ZNF18: variants seen among roughly 807,000 people sequenced by gnomAD.
ZNF18 encodes heart development-specific gene 1 protein.
A neutral mutation model predicts 58.1 loss-of-function variants in ZNF18; 42 were observed. That is an observed-to-expected ratio of 0.72 (90% CI 0.56 to 0.93). The LOEUF is 0.93. Ranked by LOEUF, ZNF18 falls within the 40% of genes least tolerant of loss-of-function variation. ZNF18 has a pLI of 0.00. For synonymous variants in ZNF18, 231 were observed against 239.8 expected (o/e 0.96, Z 0.34); for missense variants, 540 against 644.2 (o/e 0.84, Z 1.75).
upstream of ZNF18, among the ~76,000 whole-genome samples, chr17:12,000,292 G>A (rs547216494): frequency 2.0e-5 from 3 of 152,236 alleles, no homozygotes; most frequent in South Asian, 2.1e-4. Flanking sequence ...CCTGGACCAC[G>A]CCAACATATA....
chr17:12,007,818 C>G, the ZNF18 span, among the ~76,000 whole-genome samples: 1 of 152,110 alleles, frequency 6.6e-6, no homozygotes, highest in Admixed American at 6.5e-5. Context: ...TTTTAAAAAG[C>G]AAGCTTTTTC....
the ZNF18 span, among the ~76,000 whole-genome samples, chr17:12,013,867 G>A: frequency 2.6e-5 from 4 of 152,190 alleles, no homozygotes; most frequent in African/African-American, 4.8e-5. Context: ...GTTAGAGTAA[G>A]ACAACAAACC....
chr17:11,990,825 C>T (rs959590781), intron 3 of ZNF18, 149 bp downstream of exon 3: 1 of 936,786 alleles, frequency 1.1e-6, no homozygotes, highest in Non-Finnish European at 1.6e-6. Context: ...TTTGACTCTC[C>T]AAACAAGAGC....
At chr17:12,004,999 A>T in the ZNF18 span, among the ~76,000 whole-genome samples, 1 of 151,408 alleles carries the variant, frequency 6.6e-6, no homozygotes, top group Admixed American at 6.6e-5. Flanking sequence ...GAGTTTGTAA[A>T]TTAGATTTTA....
intron 1 of ZNF18, among the ~76,000 whole-genome samples, chr17:11,994,691 A>G (rs553519562): frequency 1.3e-5 from 2 of 152,092 alleles, no homozygotes; most frequent in East Asian, 3.9e-4. Context: ...AATACAAAAA[A>G]TTAGCCAGGC....
chr17:12,012,500 G>C, the ZNF18 span, among the ~76,000 whole-genome samples: 1 of 152,048 alleles, frequency 6.6e-6, no homozygotes, highest in African/African-American at 2.4e-5. Context: ...TGGGTTAAAG[G>C]GTATATACAT....
At chr17:12,006,996 T>C in the ZNF18 span, among the ~76,000 whole-genome samples, 8 of 152,324 alleles carry the variant, frequency 5.3e-5, no homozygotes, top group South Asian at 1.7e-3. Flanking sequence ...CTACCATTAA[T>C]GTAGTTTTGT....
chr17:11,983,451 G>T, intron 5 of ZNF18, 44 bp from the exon 6 acceptor site: 1 of 1,477,356 alleles, frequency 6.8e-7, no homozygotes. Context: ...GAATAGGGAA[G>T]ACTGGGAGCT....
chr17:11,985,497 C>T (rs751029672), intron 4 of ZNF18, among the ~76,000 whole-genome samples: 1 of 152,304 alleles, frequency 6.6e-6, no homozygotes, highest in African/African-American at 2.4e-5. Context: ...GCAAGTGTCA[C>T]CTGTTTTCAT....
chr17:11,990,416 A>G (rs1369802630), intron 4 of ZNF18, 46 bp downstream of exon 4: 10 of 1,532,958 alleles, frequency 6.5e-6, no homozygotes, highest in Non-Finnish European at 8.9e-6. Flanking sequence ...ATGAGATTAT[A>G]AAAGGTAAAA....
At chr17:11,992,295 G>T in intron 2 of ZNF18, 148 bp downstream of exon 2, 1 of 1,006,340 alleles carries the variant, frequency 9.9e-7, no homozygotes, top group Non-Finnish European at 1.4e-6. Flanking sequence ...ACACTGTACT[G>T]GTGTTAGAGA....
upstream of ZNF18, among the ~76,000 whole-genome samples, chr17:11,998,722 C>T (rs9747986): frequency 0.89 from 135,431 of 152,124 alleles, 62,370 homozygotes; most frequent in East Asian, 1. Flanking sequence ...AAGTGACCAG[C>T]GGAAAAGGGA....
the ZNF18 span, among the ~76,000 whole-genome samples, chr17:12,013,517 AG>A: frequency 6.6e-6 from 1 of 152,284 alleles, no homozygotes; most frequent in Admixed American, 6.5e-5. Flanking sequence ...TATGGATTCA[AG>A]TTCACTTTTT....
chr17:11,997,611 G>T (rs546912429), upstream of ZNF18: 2 of 152,306 alleles, frequency 1.3e-5, no homozygotes, highest in South Asian at 2.1e-4. Flanking sequence ...CAGCCCAGGA[G>T]CCTCCACCGA....
chr17:11,977,680 A>G lies in ZNF18; in HGVS notation c.*277T>C. ...AAAGCACTTCTAAAACTGGATCTCCAATTTAGACTTTTTCCCCGATGGGTC... is the reference window on the plus strand; with the variant it reads ...AAAGCACTTCTAAAACTGGATCTCCGATTTAGACTTTTTCCCCGATGGGTC... On this transcript the variant is annotated 3_prime_UTR_variant, in exon 7 of 7. Transcript: ENST00000580306. 1 of 334,712 alleles carries G rather than the reference A, an allele frequency of 3.0e-6. No individual in the cohort carries two copies. The highest frequency in any genetic ancestry group is 5.4e-6 in the Non-Finnish European group (1 of 185,612). 20.7% of individuals were successfully genotyped at this position (334,712 alleles called of 1,614,324 possible). A position where few individuals can be genotyped will look rare whatever the true frequency, so the allele number is the denominator to read the frequency against.
chr17:11,996,057 TCAATAA>T (rs1341152422), intron 1 of ZNF18, among the ~76,000 whole-genome samples: 1 of 151,982 alleles, frequency 6.6e-6, no homozygotes, highest in African/African-American at 2.4e-5. Context: ...AAAGTAGAAA[TCAATAA>T]CAATAACTAG....
chr17:12,014,773 G>A, the ZNF18 span, among the ~76,000 whole-genome samples: 1 of 152,150 alleles, frequency 6.6e-6, no homozygotes, highest in Non-Finnish European at 1.5e-5. Flanking sequence ...TGAATTGGCC[G>A]GGCGCGGTGG....
Position 11,978,589 on chromosome 17 carries a change from C to T in ZNF18, c.1018G>A (p.Gly340Arg), listed in dbSNP as rs1208438922. The part of the protein sequence containing the change: ...TEDEPGCFGE[G>R]ENLPEALQNI... ...TGCAGAGCCTCAGGGAGATTCTCTC[C>T]TTCTCCAAAGCATCCTGGCTCATCC... is the stretch of plus-strand genomic sequence containing the variant. Residue 340 changes from glycine to arginine, a missense_variant, in exon 7 of 7, where the codon GGA becomes AGA. Transcript: ENST00000580306. The T allele has an allele frequency of 6.2e-7, 1 of 1,613,960 alleles. No homozygotes were observed. The highest frequency in any genetic ancestry group is 2.2e-5 in the East Asian group (1 of 44,868).
At chr17:11,983,166 G>A (rs1967487329) in intron 6 of ZNF18, 131 bp downstream of exon 6, 2 of 639,420 alleles carry the variant, frequency 3.1e-6, no homozygotes, top group South Asian at 1.8e-5. Flanking sequence ...AAACCAATCA[G>A]ATCATGGCTA....
Sources: gnomAD v4.1 joint callset for allele counts (sites outside exome capture counted in the v4.1 genomes callset) on GRCh38, gnomAD v4.1.1 for gene constraint, MANE v1.5 for transcripts, NCBI Gene and HGNC (gene_info 2026-07-23, HGNC 2026-07-21) for gene names.